The following SPMIP2 variants were observed in gnomAD, a reference collection of about 807,000 sequenced individuals.
SPMIP2 encodes sperm microtubule inner protein 2, also known as protein SPMIP2.
the SPMIP2 span, among the ~76,000 whole-genome samples, chr4:158,923,156 T>C: frequency 4.6e-5 from 7 of 152,354 alleles, no homozygotes; most frequent in African/African-American, 1.7e-4. Context: ...CTGTCTTGAT[T>C]ACTGTAGCTT....
At chr4:159,067,728 C>A in the SPMIP2 span, among the ~76,000 whole-genome samples, 1 of 152,084 alleles carries the variant, frequency 6.6e-6, no homozygotes, top group African/African-American at 2.4e-5. Context: ...AGGCAACCTA[C>A]AGAATGGGAG....
the SPMIP2 span, among the ~76,000 whole-genome samples, chr4:158,967,113 T>A: frequency 6.6e-6 from 1 of 152,160 alleles, no homozygotes; most frequent in Non-Finnish European, 1.5e-5. Flanking sequence ...AAAGGAAGCA[T>A]CAAACATAAA....
At chr4:159,069,621 T>C in the SPMIP2 span, among the ~76,000 whole-genome samples, 1 of 151,932 alleles carries the variant, frequency 6.6e-6, no homozygotes, top group Non-Finnish European at 1.5e-5. Flanking sequence ...AAAAAATCTT[T>C]TGTAGATATG....
the SPMIP2 span, among the ~76,000 whole-genome samples, chr4:159,001,329 C>T: frequency 2.6e-5 from 4 of 151,968 alleles, no homozygotes; most frequent in Non-Finnish European, 4.4e-5. Context: ...TTAATTGCCT[C>T]GTCTTCTTAT....
chr4:158,925,861 T>C, the SPMIP2 span, among the ~76,000 whole-genome samples: 1 of 152,154 alleles, frequency 6.6e-6, no homozygotes, highest in South Asian at 2.1e-4. Flanking sequence ...GGATGGGAAG[T>C]TCAGGATCAA....
the SPMIP2 span, among the ~76,000 whole-genome samples, chr4:158,986,463 C>A: frequency 6.6e-6 from 1 of 151,572 alleles, no homozygotes; most frequent in African/African-American, 2.4e-5. Context: ...CAGAACAAAG[C>A]CCTCAGAAAT....
chr4:159,001,528 A>G, the SPMIP2 span, among the ~76,000 whole-genome samples: 1 of 151,852 alleles, frequency 6.6e-6, no homozygotes, highest in Non-Finnish European at 1.5e-5. Flanking sequence ...CAAGTAGGCT[A>G]TTGTTCTCTT....
chr4:158,970,913 CTG>C, the SPMIP2 span, among the ~76,000 whole-genome samples: 1,415 of 152,270 alleles, frequency 9.3e-3, 12 homozygotes, highest in Middle Eastern at 0.048. Context: ...AAGAAAATCA[CTG>C]TGTGATTGGT....
At chr4:158,926,180 A>G in the SPMIP2 span, among the ~76,000 whole-genome samples, 2 of 151,930 alleles carry the variant, frequency 1.3e-5, no homozygotes, top group African/African-American at 2.4e-5. Flanking sequence ...TTGCTTTTCT[A>G]TTCTTTATCT....
chr4:159,078,152 G>A, the SPMIP2 span, among the ~76,000 whole-genome samples: 1 of 152,076 alleles, frequency 6.6e-6, no homozygotes, highest in African/African-American at 2.4e-5. Flanking sequence ...GGGAAAATCG[G>A]AAAGAACAGC....
chr4:158,923,522 A>G, the SPMIP2 span, among the ~76,000 whole-genome samples: 2 of 142,916 alleles, frequency 1.4e-5, no homozygotes, highest in African/African-American at 5.3e-5. Flanking sequence ...ATTTTAGAGT[A>G]TTCATTGCTA....
chr4:159,034,281 G>A, the SPMIP2 span, among the ~76,000 whole-genome samples: 4 of 152,164 alleles, frequency 2.6e-5, no homozygotes, highest in African/African-American at 9.7e-5. Flanking sequence ...TAAGCTGAAT[G>A]AACAAAACTC....
the SPMIP2 span, among the ~76,000 whole-genome samples, chr4:158,991,306 GTGACAACA>G: frequency 2.5e-3 from 386 of 152,278 alleles, no homozygotes; most frequent in Admixed American, 5.0e-3. Context: ...CTGTGTTGTG[GTGACAACA>G]TTGCCTCAGT....
chr4:159,023,448 A>G, the SPMIP2 span, among the ~76,000 whole-genome samples: 4 of 152,280 alleles, frequency 2.6e-5, no homozygotes, highest in Non-Finnish European at 2.9e-5. Context: ...ACATGAGCCA[A>G]TCCCTCATTT....
chr4:159,005,899 G>A, the SPMIP2 span, among the ~76,000 whole-genome samples: 2 of 152,062 alleles, frequency 1.3e-5, no homozygotes, highest in African/African-American at 2.4e-5. Context: ...TGAGTAGCTG[G>A]GTCTATGGGT....
At chr4:158,970,268 C>T in the SPMIP2 span, among the ~76,000 whole-genome samples, 63 of 152,216 alleles carry the variant, frequency 4.1e-4, no homozygotes, top group East Asian at 7.5e-3. Flanking sequence ...GAGCTGGGCA[C>T]GGTGGCTCAC....
At chr4:158,932,780 A>G in the SPMIP2 span, among the ~76,000 whole-genome samples, 1 of 152,196 alleles carries the variant, frequency 6.6e-6, no homozygotes, top group African/African-American at 2.4e-5. Flanking sequence ...TCTGTGTTCA[A>G]CTTCCAGTGA....
chr4:159,000,551 C>T, the SPMIP2 span, among the ~76,000 whole-genome samples: 1 of 146,292 alleles, frequency 6.8e-6, no homozygotes, highest in Non-Finnish European at 1.5e-5. Context: ...CTGGAGTGCA[C>T]TGGTGCAATC....
At chr4:158,989,378 T>C in the SPMIP2 span, among the ~76,000 whole-genome samples, 1 of 152,112 alleles carries the variant, frequency 6.6e-6, no homozygotes, top group Non-Finnish European at 1.5e-5. Context: ...TAGAAAAAAC[T>C]ACTTTAAATT....
Sources: gnomAD v4.1 joint callset for allele counts (sites outside exome capture counted in the v4.1 genomes callset) on GRCh38, gnomAD v4.1.1 for gene constraint, MANE v1.5 for transcripts, NCBI Gene and HGNC (gene_info 2026-07-23, HGNC 2026-07-21) for gene names.